Variants in WWOX observed in about 807,000 individuals in gnomAD.
WWOX encodes WW domain-containing oxidoreductase.
Under a neutral mutation model 46.2 loss-of-function variants are expected in WWOX, and 69 were observed. The observed-to-expected ratio is 1.49, with a 90% CI of 1.23 to 1.82. WWOX has a LOEUF of 1.82. Ranked by LOEUF, WWOX falls within the 40% of genes most tolerant of loss-of-function variation. WWOX has a pLI of 0.00. For missense variants in WWOX, 919 were observed against 542.6 expected (o/e 1.69, Z -6.89); for synonymous variants, 359 against 202.6 (o/e 1.77, Z -6.56).
At chr16:78,299,709 A>G (rs2080006401) in intron 5 of WWOX, among the ~76,000 whole-genome samples, 1 of 151,704 alleles carries the variant, frequency 6.6e-6, no homozygotes, top group Non-Finnish European at 1.5e-5. Context: ...TTGTATATTT[A>G]GTAGAGATGG....
At chr16:78,210,193 A>G (rs2151786483) in intron 5 of WWOX, among the ~76,000 whole-genome samples, 1 of 152,340 alleles carries the variant, frequency 6.6e-6, no homozygotes, top group East Asian at 1.9e-4. Flanking sequence ...TTCAAAGTAC[A>G]TCTATTCTAG....
intron 5 of WWOX, among the ~76,000 whole-genome samples, chr16:78,240,906 A>G (rs1023795469): frequency 3.0e-5 from 4 of 132,032 alleles, no homozygotes; most frequent in African/African-American, 5.4e-5. Flanking sequence ...GCTGAGAGGG[A>G]GAGACTCCAA....
chr16:78,728,901 A>T (rs1351146803), intron 8 of WWOX, among the ~76,000 whole-genome samples: 1 of 152,198 alleles, frequency 6.6e-6, no homozygotes. Flanking sequence ...CTATGCATAG[A>T]TCACCTAATT....
chr16:79,174,736 T>C lies in WWOX; in HGVS notation c.1057-36872T>C, dbSNP rs544456995. On this transcript the variant is annotated intron_variant, in intron 8 of 8. Transcript: ENST00000566780. ...GTGAAATGAAGCCTAGATGGTTCTT[T>C]TAGAATATGAGTGAGCAGTACTCAT... is the stretch of plus-strand genomic sequence containing the variant. Among the ~76,000 whole-genome samples, 85 of 152,342 alleles carry C rather than the reference T, an allele frequency of 5.6e-4. 1 individual carries two copies. Among genetic ancestry groups the C allele is most frequent in the African/African-American group, 2.0e-3 (84 of 41,586 alleles).
At chr16:79,112,034 C>G (rs990950252) in intron 8 of WWOX, among the ~76,000 whole-genome samples, 36 of 152,270 alleles carry the variant, frequency 2.4e-4, no homozygotes, top group African/African-American at 7.5e-4. Flanking sequence ...AACTCCCCAG[C>G]CATACCTCAA....
chr16:78,631,309 A>T (rs549566523), intron 8 of WWOX, among the ~76,000 whole-genome samples: 1 of 152,220 alleles, frequency 6.6e-6, no homozygotes, highest in South Asian at 2.1e-4. Flanking sequence ...GCCTCACCAC[A>T]TCAGAATATT....
intron 8 of WWOX, among the ~76,000 whole-genome samples, chr16:78,466,091 G>A (rs557970647): frequency 8.9e-4 from 135 of 151,894 alleles, no homozygotes; most frequent in Non-Finnish European, 1.7e-3. Context: ...GAGTGCAGTG[G>A]CACCATCTCT....
intron 8 of WWOX, among the ~76,000 whole-genome samples, chr16:78,569,357 A>T (rs1400583351): frequency 6.6e-6 from 1 of 152,236 alleles, no homozygotes; most frequent in East Asian, 1.9e-4. Flanking sequence ...TCCACATTTG[A>T]GTTGGTTTAA....
rs1054980139 is a variant in WWOX at position 78,999,956 on chromosome 16, A to T, written c.1057-211652A>T. Among the ~76,000 whole-genome samples the T allele has an allele frequency of 2.0e-5, 3 of 151,536 alleles. No individual in the cohort carries two copies. In the East Asian group the frequency reaches 5.8e-4, roughly 29 times the overall value. On this transcript the variant is annotated intron_variant, in intron 8 of 8. Coordinates refer to ENST00000566780, the MANE Select transcript of WWOX (RefSeq NM_016373.4). ...ATTGTGCCATATTTTCACCGGGAGC[A>T]TTTTTTTTTCCTTAGGGGAAATGAA...
intron 8 of WWOX, among the ~76,000 whole-genome samples, chr16:78,969,002 T>C (rs1278481222): frequency 6.6e-6 from 1 of 152,144 alleles, no homozygotes; most frequent in Non-Finnish European, 1.5e-5. Context: ...TATTTCCAGA[T>C]GGACTGCCTG....
At chr16:79,107,059 C>A (rs547470542) in intron 8 of WWOX, among the ~76,000 whole-genome samples, 54 of 152,178 alleles carry the variant, frequency 3.5e-4, no homozygotes, top group African/African-American at 1.3e-3. Context: ...GATGCACCCA[C>A]CTTGGTCTCC....
intron 4 of WWOX, among the ~76,000 whole-genome samples, chr16:78,153,651 T>C (rs1326776773): frequency 6.6e-6 from 1 of 152,258 alleles, no homozygotes; most frequent in Admixed American, 6.5e-5. Flanking sequence ...GGCCTTTTAA[T>C]TGTGCCCAGT....
At chr16:78,929,309 T>C (rs2045568672) in intron 8 of WWOX, among the ~76,000 whole-genome samples, 1 of 152,102 alleles carries the variant, frequency 6.6e-6, no homozygotes, top group Non-Finnish European at 1.5e-5. Context: ...GAGCCTCAAG[T>C]GTCCAATAAA....
intron 6 of WWOX, among the ~76,000 whole-genome samples, chr16:78,391,911 C>G (rs1005521394): frequency 6.6e-6 from 1 of 151,938 alleles, no homozygotes; most frequent in Admixed American, 6.6e-5. Flanking sequence ...TCCTCTTTTC[C>G]TCCCTCCCTC....
chr16:78,760,166 C>G (rs1021705858), intron 8 of WWOX, among the ~76,000 whole-genome samples: 7 of 152,170 alleles, frequency 4.6e-5, no homozygotes, highest in Admixed American at 2.0e-4. Context: ...GCACATCTCA[C>G]ACGGCAGCAG....
intron 8 of WWOX, among the ~76,000 whole-genome samples, chr16:78,619,918 A>G (rs189413238): frequency 6.5e-4 from 99 of 152,222 alleles, no homozygotes; most frequent in African/African-American, 2.3e-3. Flanking sequence ...AAATAAATAA[A>G]TAAATAAAAA....
intron 8 of WWOX, among the ~76,000 whole-genome samples, chr16:79,098,749 C>G (rs1286237067): frequency 1.3e-5 from 2 of 152,152 alleles, no homozygotes; most frequent in East Asian, 3.9e-4. Flanking sequence ...CCCAGATACA[C>G]TTTGTTGGAA....
chr16:78,779,170 A>G (rs2050264866), intron 8 of WWOX, among the ~76,000 whole-genome samples: 2 of 152,128 alleles, frequency 1.3e-5, no homozygotes, highest in Admixed American at 6.5e-5. Flanking sequence ...TGTTTTTGAG[A>G]CAGGGTCTTT....
intron 8 of WWOX, among the ~76,000 whole-genome samples, chr16:78,721,242 G>GA (rs1468495972): frequency 1.2e-5 from 1 of 81,060 alleles, no homozygotes; most frequent in Non-Finnish European, 2.2e-5. Flanking sequence ...CCATGTCTAA[G>GA]AAAAAAAGTA....
Sources: allele counts gnomAD v4.1 joint callset (sites outside exome capture counted in the v4.1 genomes callset), GRCh38; gene constraint gnomAD v4.1.1; transcripts MANE v1.5; gene names NCBI Gene and HGNC (gene_info 2026-07-23, HGNC 2026-07-21).